Variants in MAGI1 observed in about 807,000 individuals in gnomAD.
The protein encoded by MAGI1 is membrane-associated guanylate kinase, WW and PDZ domain-containing protein 1.
In MAGI1, 58 loss-of-function variants were observed where a neutral mutation model predicts 139.9. The ratio of observed to expected loss-of-function variants is 0.41; its 90% CI spans 0.34 to 0.52. The LOEUF is 0.52. MAGI1 is among the 20% of genes least tolerant of loss of function. MAGI1 has a pLI of 0.12. For synonymous variants in MAGI1, 812 were observed against 737.9 expected, an observed-to-expected ratio of 1.10 and a Z score of -1.63; for missense variants, 1,874 against 1,901.6, an observed-to-expected ratio of 0.99 and a Z score of 0.27.
intron 1 of MAGI1, among the ~76,000 whole-genome samples, chr3:66,004,647 T>C (rs1034560339): frequency 2.6e-5 from 4 of 152,198 alleles, no homozygotes; most frequent in Non-Finnish European, 4.4e-5. Context: ...ACAGTCAAGT[T>C]CACATTGTAT....
intron 4 of MAGI1, among the ~76,000 whole-genome samples, chr3:65,470,991 A>G (rs1950528255): frequency 1.3e-5 from 2 of 152,230 alleles, no homozygotes; most frequent in Non-Finnish European, 2.9e-5. Flanking sequence ...TATTTTTGGT[A>G]GACACTGGCA....
At chr3:65,769,002 A>C (rs541458778) in intron 1 of MAGI1, among the ~76,000 whole-genome samples, 1 of 152,282 alleles carries the variant, frequency 6.6e-6, no homozygotes, top group Non-Finnish European at 1.5e-5. Flanking sequence ...TGAAACCAGC[A>C]AAGAGCCTCT....
intron 1 of MAGI1, among the ~76,000 whole-genome samples, chr3:65,731,463 G>T (rs1486017337): frequency 2.7e-5 from 4 of 150,580 alleles, no homozygotes; most frequent in Non-Finnish European, 5.9e-5. Flanking sequence ...GACCAGCCTG[G>T]GCAACACAGT....
chr3:65,577,010 T>C (rs1475186631), intron 2 of MAGI1, among the ~76,000 whole-genome samples: 1 of 152,200 alleles, frequency 6.6e-6, no homozygotes. Flanking sequence ...TGTAAGTAAA[T>C]ATGTAAGTAG....
At chr3:65,805,467 G>T (rs756928558) in intron 1 of MAGI1, among the ~76,000 whole-genome samples, 1 of 152,192 alleles carries the variant, frequency 6.6e-6, no homozygotes, top group Non-Finnish European at 1.5e-5. Flanking sequence ...TGGAGAAACA[G>T]GAATGCTTTT....
intron 1 of MAGI1, among the ~76,000 whole-genome samples, chr3:65,883,686 C>G (rs1266723259): frequency 6.6e-6 from 1 of 152,194 alleles, no homozygotes; most frequent in Non-Finnish European, 1.5e-5. Context: ...CAAATGACAC[C>G]TTCCTGAATT....
At chr3:65,915,702 A>G (rs1560009136) in intron 1 of MAGI1, among the ~76,000 whole-genome samples, 1 of 152,122 alleles carries the variant, frequency 6.6e-6, no homozygotes, top group Non-Finnish European at 1.5e-5. Flanking sequence ...CAAGAGCCAT[A>G]TTCCATATGC....
At chr3:65,864,947 C>T (rs2059671489) in intron 1 of MAGI1, among the ~76,000 whole-genome samples, 2 of 152,140 alleles carry the variant, frequency 1.3e-5, no homozygotes, top group Admixed American at 1.3e-4. Context: ...AGCAGCACTC[C>T]TCTTCAATAC....
intron 1 of MAGI1, among the ~76,000 whole-genome samples, chr3:65,900,828 T>C (rs1390244): frequency 0.12 from 18,449 of 152,242 alleles, 1,406 homozygotes; most frequent in East Asian, 0.2. Flanking sequence ...TCCTTCTCCC[T>C]GGTATTTACA....
chr3:65,628,099 A>C (rs1267720881), intron 1 of MAGI1, among the ~76,000 whole-genome samples: 1 of 151,940 alleles, frequency 6.6e-6, no homozygotes, highest in Non-Finnish European at 1.5e-5. Context: ...TTCCCTCTAG[A>C]TTATCTAAAC....
At chr3:65,392,154 T>A (rs1347791404) in intron 13 of MAGI1, among the ~76,000 whole-genome samples, 2 of 152,198 alleles carry the variant, frequency 1.3e-5, no homozygotes, top group African/African-American at 4.8e-5. Context: ...CATTTAAATT[T>A]CAGTTGAATA....
intron 1 of MAGI1, among the ~76,000 whole-genome samples, chr3:65,825,464 T>A (rs115556088): frequency 6.6e-6 from 1 of 152,184 alleles, no homozygotes; most frequent in Middle Eastern, 3.2e-3. Context: ...GGTGGATACA[T>A]TGACACCATG....
intron 1 of MAGI1, among the ~76,000 whole-genome samples, chr3:65,901,478 G>A (rs1363555380): frequency 6.6e-6 from 1 of 152,146 alleles, no homozygotes; most frequent in Non-Finnish European, 1.5e-5. Flanking sequence ...TTGAAACTCT[G>A]GCAAAACGCT....
intron 1 of MAGI1, among the ~76,000 whole-genome samples, chr3:65,794,844 G>GAAAAAAAAAAAAAAAAACAAAAAAAAAA (rs10581418): frequency 7.6e-6 from 1 of 131,818 alleles, no homozygotes. Flanking sequence ...CCCTCATCAG[G>GAAAAAAAAAAAAAAAAACAAAAAAAAAA]AAAAAAAAAA....
At chr3:65,572,760 G>A (rs1385708015) in intron 2 of MAGI1, among the ~76,000 whole-genome samples, 5 of 151,158 alleles carry the variant, frequency 3.3e-5, no homozygotes, top group Admixed American at 1.3e-4. Flanking sequence ...CATCTTAAAC[G>A]CAGAGAAATC....
chr3:65,662,597 T>C (rs1031297612), intron 1 of MAGI1, among the ~76,000 whole-genome samples: 4 of 152,246 alleles, frequency 2.6e-5, no homozygotes, highest in African/African-American at 9.6e-5. Context: ...CTCTTTTTTA[T>C]TGTATCAATT....
At chr3:65,366,056 C>T (rs577507991) in intron 18 of MAGI1, among the ~76,000 whole-genome samples, 2 of 152,250 alleles carry the variant, frequency 1.3e-5, no homozygotes, top group Admixed American at 1.3e-4. Flanking sequence ...GAGATTCAGA[C>T]CTGGGATCAA....
chr3:65,781,559 T>C (rs1370784016), intron 1 of MAGI1, among the ~76,000 whole-genome samples: 2 of 152,158 alleles, frequency 1.3e-5, no homozygotes, highest in South Asian at 4.2e-4. Context: ...TTCACAGAAA[T>C]AGATTCATTT....
chr3:65,829,751 G>A (rs564916538), intron 1 of MAGI1, among the ~76,000 whole-genome samples: 1 of 152,318 alleles, frequency 6.6e-6, no homozygotes, highest in East Asian at 1.9e-4. Flanking sequence ...GTTGGGGAAA[G>A]TCTCTGAGCC....
Sources: gnomAD v4.1 joint callset for allele counts (sites outside exome capture counted in the v4.1 genomes callset) on GRCh38, gnomAD v4.1.1 for gene constraint, MANE v1.5 for transcripts, NCBI Gene and HGNC (gene_info 2026-07-23, HGNC 2026-07-21) for gene names.